USP32: variants seen among roughly 807,000 people sequenced by gnomAD.
The protein encoded by USP32 is ubiquitin carboxyl-terminal hydrolase 32.
Under a neutral mutation model 204.8 loss-of-function variants are expected in USP32, and 59 were observed. The observed-to-expected ratio is 0.29, with a 90% confidence interval of 0.23 to 0.36. The LOEUF (loss-of-function observed/expected upper bound fraction) is 0.36. USP32 is among the 10% of genes least tolerant of loss of function. USP32 has a pLI of 1.00. For synonymous variants in USP32, 517 were observed against 678.4 expected, an observed-to-expected ratio of 0.76 and a Z score of 3.70; for missense variants, 1,160 against 1,946.4, an observed-to-expected ratio of 0.60 and a Z score of 7.60.
chr17:60,281,600 G>A (rs1399928610), intron 5 of USP32, among the ~76,000 whole-genome samples: 1 of 152,100 alleles, frequency 6.6e-6, no homozygotes, highest in South Asian at 2.1e-4. Context: ...ATAACAAAAG[G>A]TATTACCTAA....
chr17:60,285,632 T>C (rs761571202), intron 5 of USP32, among the ~76,000 whole-genome samples: 5 of 152,120 alleles, frequency 3.3e-5, no homozygotes, highest in Non-Finnish European at 5.9e-5. Context: ...CTATAAGTAG[T>C]TATAATACAA....
intron 28 of USP32, among the ~76,000 whole-genome samples, chr17:60,191,357 G>A (rs1412650599): frequency 7.3e-6 from 1 of 136,336 alleles, no homozygotes; most frequent in East Asian, 2.3e-4. Context: ...AGCCGAGGTT[G>A]CACCACTGCA....
At chr17:60,363,170 T>C (rs2089243829) in intron 1 of USP32, among the ~76,000 whole-genome samples, 1 of 151,650 alleles carries the variant, frequency 6.6e-6, no homozygotes, top group African/African-American at 2.4e-5. Flanking sequence ...AAAAATTTTT[T>C]GAGGCCAGGC....
At chr17:60,227,856 A>G (rs986376542) in intron 12 of USP32, among the ~76,000 whole-genome samples, 5 of 152,146 alleles carry the variant, frequency 3.3e-5, no homozygotes, top group Admixed American at 3.3e-4. Context: ...AAATTTTTTT[A>G]AATTTTAAGT....
intron 1 of USP32, among the ~76,000 whole-genome samples, chr17:60,419,363 G>C (rs565171350): frequency 1.3e-5 from 2 of 152,292 alleles, no homozygotes; most frequent in African/African-American, 4.8e-5. Flanking sequence ...GGGCCTACCA[G>C]AGAGTGGAGG....
intron 5 of USP32, among the ~76,000 whole-genome samples, chr17:60,287,270 T>C (rs1050052066): frequency 2.0e-5 from 3 of 152,220 alleles, no homozygotes; most frequent in African/African-American, 2.4e-5. Context: ...CCTTAACCAA[T>C]TGCAAATCAG....
At chr17:60,388,234 T>C (rs1567891190) in intron 1 of USP32, among the ~76,000 whole-genome samples, 2 of 151,744 alleles carry the variant, frequency 1.3e-5, no homozygotes, top group African/African-American at 4.9e-5. Context: ...ATTCACCCAC[T>C]GTATTTTATT....
At chr17:60,394,329 A>G (rs1266519071), upstream of USP32, among the ~76,000 whole-genome samples, 1 of 152,180 alleles carries the variant, frequency 6.6e-6, no homozygotes, top group Non-Finnish European at 1.5e-5. Flanking sequence ...ATTGCAACAT[A>G]TACTACTATT....
intron 1 of USP32, among the ~76,000 whole-genome samples, chr17:60,387,001 A>T (rs1461459072): frequency 6.6e-6 from 1 of 152,212 alleles, no homozygotes; most frequent in Non-Finnish European, 1.5e-5. Flanking sequence ...TAAAAGGCTT[A>T]ACCGAAACCA....
At chr17:60,347,574 C>T (rs1163129420) in intron 1 of USP32, among the ~76,000 whole-genome samples, 1 of 150,914 alleles carries the variant, frequency 6.6e-6, no homozygotes, top group African/African-American at 2.4e-5. Flanking sequence ...AGGATGGTCT[C>T]GATCTCCTAA....
At chr17:60,365,863 T>C (rs1012450137) in intron 1 of USP32, among the ~76,000 whole-genome samples, 1 of 152,174 alleles carries the variant, frequency 6.6e-6, no homozygotes, top group Non-Finnish European at 1.5e-5. Flanking sequence ...GAATACAAAC[T>C]TCTGCAAAGT....
intron 1 of USP32, among the ~76,000 whole-genome samples, chr17:60,363,985 A>C (rs1308050984): frequency 6.6e-6 from 1 of 152,094 alleles, no homozygotes; most frequent in Non-Finnish European, 1.5e-5. Flanking sequence ...TATTCCCCCA[A>C]AACATGCTTA....
chr17:60,191,504 TTTA>T (rs755773658), intron 28 of USP32, among the ~76,000 whole-genome samples: 5 of 151,090 alleles, frequency 3.3e-5, no homozygotes, highest in African/African-American at 7.3e-5. Context: ...CAATGCCTAC[TTTA>T]TTATTATTAT....
chr17:60,410,769 A>G (rs1279113311), intron 1 of USP32, among the ~76,000 whole-genome samples: 1 of 152,022 alleles, frequency 6.6e-6, no homozygotes, highest in Non-Finnish European at 1.5e-5. Context: ...AGTCAAAAGC[A>G]CATAACATAG....
intron 27 of USP32, among the ~76,000 whole-genome samples, chr17:60,196,811 C>T (rs1010217377): frequency 1.2e-4 from 18 of 150,820 alleles, no homozygotes; most frequent in Admixed American, 8.6e-4. Flanking sequence ...GGTGACAGAG[C>T]GAGACTCTGT....
chr17:60,288,165 C>CA (rs2087170781), intron 5 of USP32, among the ~76,000 whole-genome samples: 1 of 143,652 alleles, frequency 7.0e-6, no homozygotes, highest in Non-Finnish European at 1.5e-5. Context: ...CAGTGACTCA[C>CA]AACTGTAATC....
chr17:60,368,246 C>T (rs1032246151), intron 1 of USP32, among the ~76,000 whole-genome samples: 2 of 152,202 alleles, frequency 1.3e-5, no homozygotes, highest in African/African-American at 4.8e-5. Context: ...GCATTTCACA[C>T]TGTACAACAG....
intron 1 of USP32, among the ~76,000 whole-genome samples, chr17:60,402,304 G>A (rs534630566): frequency 6.9e-6 from 1 of 145,096 alleles, no homozygotes; most frequent in East Asian, 2.0e-4. Flanking sequence ...AGGCTGGAGT[G>A]CAGTGGTGCA....
At chr17:60,421,700 C>T in intron 1 of USP32, 1 of 813,218 alleles carries the variant, frequency 1.2e-6, no homozygotes, top group Non-Finnish European at 1.5e-6. Context: ...TCCTGAGCAC[C>T]TCCCGGCCCT....
Sources: gnomAD v4.1 joint callset for allele counts (sites outside exome capture counted in the v4.1 genomes callset) on GRCh38, gnomAD v4.1.1 for gene constraint, MANE v1.5 for transcripts, NCBI Gene and HGNC (gene_info 2026-07-23, HGNC 2026-07-21) for gene names.